ADCY9: variants seen among roughly 807,000 people sequenced by gnomAD.
ADCY9 encodes the protein adenylate cyclase 9.
A neutral mutation model predicts 101.5 loss-of-function variants in ADCY9; 50 were observed. That is an observed-to-expected ratio of 0.49 (90% confidence interval 0.39 to 0.62). The LOEUF (loss-of-function observed/expected upper bound fraction) is 0.62. Ranked by LOEUF, ADCY9 falls within the 20% of genes least tolerant of loss-of-function variation. The pLI is 0.00. For synonymous variants in ADCY9, 905 were observed against 769.3 expected, an observed-to-expected ratio of 1.18 and a Z score of -2.92; for missense variants, 1,662 against 1,800.4, an observed-to-expected ratio of 0.92 and a Z score of 1.39.
intron 6 of ADCY9, among the ~76,000 whole-genome samples, chr16:3,987,037 C>G (rs28482206): frequency 6.6e-6 from 1 of 152,232 alleles, no homozygotes; most frequent in African/African-American, 2.4e-5. Context: ...ACTCCCTGGA[C>G]GAACCAGGCT....
chr16:4,047,070 G>A (rs78689852), intron 2 of ADCY9, among the ~76,000 whole-genome samples: 3,158 of 152,192 alleles, frequency 0.021, 117 homozygotes, highest in African/African-American at 0.073. Flanking sequence ...CATAAGGACT[G>A]TATATAAGAT....
chr16:4,046,544 T>C (rs1336720426), intron 2 of ADCY9, among the ~76,000 whole-genome samples: 2 of 152,332 alleles, frequency 1.3e-5, no homozygotes, highest in East Asian at 3.9e-4. Flanking sequence ...GGGAGTAGCT[T>C]AGTAGTCATT....
chr16:4,059,039 A>C (rs2056758127), intron 2 of ADCY9, among the ~76,000 whole-genome samples: 1 of 152,178 alleles, frequency 6.6e-6, no homozygotes, highest in Non-Finnish European at 1.5e-5. Flanking sequence ...TTTCCATTTT[A>C]TACATTTCTA....
chr16:4,061,160 C>G (rs1427765547), intron 2 of ADCY9, among the ~76,000 whole-genome samples: 3 of 151,728 alleles, frequency 2.0e-5, no homozygotes, highest in Non-Finnish European at 2.9e-5. Context: ...ATTATCCAAT[C>G]TGAAGAAGAA....
intron 5 of ADCY9, among the ~76,000 whole-genome samples, chr16:3,956,203 G>A (rs2055905429): frequency 6.6e-6 from 1 of 152,010 alleles, no homozygotes; most frequent in Non-Finnish European, 1.5e-5. Flanking sequence ...CCCAGGCAAA[G>A]TCATATTTTT....
At chr16:4,097,908 T>C (rs1422872380) in intron 2 of ADCY9, among the ~76,000 whole-genome samples, 6 of 152,194 alleles carry the variant, frequency 3.9e-5, no homozygotes, top group Non-Finnish European at 5.9e-5. Flanking sequence ...ATTATATGCC[T>C]GGCTATATTC....
intron 5 of ADCY9, among the ~76,000 whole-genome samples, chr16:3,954,258 G>C (rs1016165164): frequency 6.6e-6 from 1 of 152,188 alleles, no homozygotes; most frequent in Non-Finnish European, 1.5e-5. Context: ...GGGTCCTGGT[G>C]AACGACGATG....
chr16:4,105,953 CCT>C lies in ADCY9; in HGVS notation c.1693+7795_1693+7796del, dbSNP rs1043586636. On this transcript the variant is annotated intron_variant, in intron 2 of 10. Transcript: ENST00000294016. ...TGACTGTCGGGGCCCAGCATTTCAC[CCT>C]GTTTCCCAGCTTCTGCCCTCTAGGT... 5.9e-5 allele frequency among the ~76,000 whole-genome samples: 9 copies of C among 152,262 alleles called. No homozygotes were observed. In the South Asian group the frequency reaches 8.3e-4, roughly 14 times the overall value.
In ADCY9 at chr16:3,966,910, C is replaced by A. The variant is rs1236756658; in HGVS notation, c.2927G>T (p.Ser976Ile). 1 of 1,613,998 alleles carries A rather than the reference C, an allele frequency of 6.2e-7. No individual in the cohort carries two copies. The highest frequency in any genetic ancestry group is 1.1e-5 in the South Asian group (1 of 91,086). ...GAGAACCACCTCCTGGCCGATGAGG[C>A]TGGCGGGCCGCCGGAGGTCACGCGG... is the stretch of plus-strand genomic sequence containing the variant. ...SVPRDLRRPASLIGQEVVLVF... is the reference protein window; with the variant it reads ...SVPRDLRRPAILIGQEVVLVF... The change falls in exon 11 of 11, where the codon AGC becomes ATC. Residue 976 changes from serine to isoleucine, a missense_variant. Physicochemically the swap from Ser to Ile is moderately radical, Grantham distance 142. This residue lies in a region of ADCY9 where 624 missense variants were observed against 639.1 expected (regional missense o/e 0.98). Transcript: ENST00000294016.
chr16:4,018,951 T>TGGTGTGTGTGTGTGTG (rs71394640), intron 2 of ADCY9, among the ~76,000 whole-genome samples: 1 of 138,834 alleles, frequency 7.2e-6, no homozygotes, highest in African/African-American at 2.6e-5. Flanking sequence ...AGAATCGCAG[T>TGGTGTGTGTGTGTGTG]TGTGTGTGTG....
At chr16:4,013,523 A>T (rs1263304489) in intron 2 of ADCY9, among the ~76,000 whole-genome samples, 1 of 152,256 alleles carries the variant, frequency 6.6e-6, no homozygotes, top group Non-Finnish European at 1.5e-5. Flanking sequence ...TTTGGGAGCC[A>T]GCCACATAGC....
intron 3 of ADCY9, among the ~76,000 whole-genome samples, chr16:3,997,213 C>A (rs187157820): frequency 6.6e-6 from 1 of 152,220 alleles, no homozygotes; most frequent in Non-Finnish European, 1.5e-5. Flanking sequence ...CAGTGCCCCC[C>A]ACGGCACACT....
At chr16:4,060,474 T>C (rs1475081777) in intron 2 of ADCY9, among the ~76,000 whole-genome samples, 2 of 152,176 alleles carry the variant, frequency 1.3e-5, no homozygotes, top group African/African-American at 2.4e-5. Context: ...ATTCTGAACA[T>C]GTCCCTAAAC....
chr16:4,057,951 G>C (rs2056751108), intron 2 of ADCY9, among the ~76,000 whole-genome samples: 1 of 152,094 alleles, frequency 6.6e-6, no homozygotes, highest in African/African-American at 2.4e-5. Flanking sequence ...TTCAGGTCAA[G>C]AGTTCGAGAC....
rs1024871592 is a variant in ADCY9 at position 4,114,834 on chromosome 16, G to A, written c.609C>T (p.Asp203=). Reference sequence around the variant, plus strand: ...GGGCTGTGGCCGTAAGGTTGGAGCTGTCGCCGCGTCCTGAGACAGGCGTCA... The same window carrying A: ...GGGCTGTGGCCGTAAGGTTGGAGCTATCGCCGCGTCCTGAGACAGGCGTCA... ...QVLTPVSGRG[D]SSNLTATARP... is the part of the protein sequence containing the mutation. Residue 203 remains aspartate, a synonymous_variant, in exon 2 of 11, where the codon GAC becomes GAT. Coordinates refer to ENST00000294016, the MANE Select transcript of ADCY9 (RefSeq NM_001116.4). The surrounding 1 kb of genome is among the most constrained non-coding windows in gnomAD (Gnocchi z 4.3). 1.9e-5 allele frequency: 31 copies of A among 1,613,520 alleles called. No homozygotes were observed. Among genetic ancestry groups the A allele is most frequent in the Non-Finnish European group, 2.6e-5 (31 of 1,180,052 alleles).
intron 5 of ADCY9, among the ~76,000 whole-genome samples, chr16:3,990,552 C>A (rs1181572081): frequency 2.6e-5 from 4 of 151,978 alleles, no homozygotes; most frequent in Admixed American, 2.0e-4. Context: ...CACGTGTGTT[C>A]CTTCCTGTCC....
At chr16:4,041,289 G>C (rs1310466777) in intron 2 of ADCY9, among the ~76,000 whole-genome samples, 1 of 152,084 alleles carries the variant, frequency 6.6e-6, no homozygotes, top group Non-Finnish European at 1.5e-5. Context: ...GATCACCTGA[G>C]GTCAGGAGTT....
At chr16:4,048,425 G>A (rs555915596) in intron 2 of ADCY9, among the ~76,000 whole-genome samples, 1 of 152,140 alleles carries the variant, frequency 6.6e-6, no homozygotes. Flanking sequence ...CCCTTCTGTG[G>A]TTTATATAAC....
chr16:4,056,766 T>C (rs1161993443), intron 2 of ADCY9, among the ~76,000 whole-genome samples: 1 of 152,218 alleles, frequency 6.6e-6, no homozygotes. Context: ...TCAACAAATA[T>C]GTGCTGTTGT....
Sources: allele counts gnomAD v4.1 joint callset (sites outside exome capture counted in the v4.1 genomes callset), GRCh38; gene constraint gnomAD v4.1.1; regional missense constraint gnomAD v4.1.1; non-coding constraint Gnocchi (gnomAD v3.1); transcripts MANE v1.5; gene names NCBI Gene and HGNC (gene_info 2026-07-23, HGNC 2026-07-21).